VPS26B: variants seen among roughly 807,000 people sequenced by gnomAD.
VPS26B encodes VPS26 retromer complex component B, also known as vacuolar protein sorting-associated protein 26B.
A neutral mutation model predicts 33.3 loss-of-function variants in VPS26B; 10 were observed. That is an observed-to-expected ratio of 0.30 (90% CI 0.19 to 0.51). The LOEUF (loss-of-function observed/expected upper bound fraction) is 0.51, where lower values mean the gene tolerates loss of function less well. Ranked by LOEUF, VPS26B falls within the 20% of genes least tolerant of loss-of-function variation. The pLI is 0.98. For synonymous variants in VPS26B, 190 were observed against 176.9 expected, an observed-to-expected ratio of 1.07 and a Z score of -0.59; for missense variants, 317 against 452.7, an observed-to-expected ratio of 0.70 and a Z score of 2.72.
At chr11:134,231,568 CTT>C (rs1410570963) in intron 1 of VPS26B, among the ~76,000 whole-genome samples, 14 of 141,372 alleles carry the variant, frequency 9.9e-5, no homozygotes, top group Admixed American at 2.1e-4. Flanking sequence ...CTTTGGAGGG[CTT>C]TTTTTTTTTT....
intron 1 of VPS26B, among the ~76,000 whole-genome samples, chr11:134,226,608 C>G (rs1938477560): frequency 6.6e-6 from 1 of 152,048 alleles, no homozygotes; most frequent in African/African-American, 2.4e-5. Flanking sequence ...CAGTAAATAC[C>G]CTGTGAGCTA....
chr11:134,241,825 T>A (rs1938729500), intron 3 of VPS26B, among the ~76,000 whole-genome samples: 1 of 152,218 alleles, frequency 6.6e-6, no homozygotes, highest in Non-Finnish European at 1.5e-5. Context: ...CAGGTCCTGC[T>A]CTTACACTAA....
At chr11:134,237,863 G>T (rs779249617) in intron 2 of VPS26B, among the ~76,000 whole-genome samples, 1 of 152,190 alleles carries the variant, frequency 6.6e-6, no homozygotes, top group Non-Finnish European at 1.5e-5. Flanking sequence ...AGCTGTTGGT[G>T]CAGAACCCGC....
chr11:134,236,153 A>G (rs981383394), intron 2 of VPS26B, among the ~76,000 whole-genome samples: 52 of 152,218 alleles, frequency 3.4e-4, no homozygotes, highest in Non-Finnish European at 4.9e-4. Context: ...CTACGAAAAA[A>G]AAAAATTTTT....
chr11:134,241,506 A>G (rs754902580), intron 3 of VPS26B, among the ~76,000 whole-genome samples: 3 of 152,212 alleles, frequency 2.0e-5, no homozygotes, highest in Non-Finnish European at 1.5e-5. Flanking sequence ...TGGGCCTGGC[A>G]TGGGAACAGG....
At chr11:134,235,612 T>G (rs1217691789) in intron 2 of VPS26B, 1 of 152,236 alleles carries the variant, frequency 6.6e-6, no homozygotes, top group Non-Finnish European at 1.5e-5. Context: ...CAGTGTGACC[T>G]TGAGCTCTGT....
Position 134,245,536 on chromosome 11 carries a change from C to T in VPS26B, c.957C>T (p.Ser319=). 1.2e-6 allele frequency: 2 copies of T among 1,613,762 alleles called. No individual in the cohort carries two copies. The highest frequency in any genetic ancestry group is 2.2e-5 in the East Asian group (1 of 44,854). The change falls in exon 6 of 6, where the codon TCC becomes TCT. Residue 319 remains serine (S), a synonymous_variant. Transcript: ENST00000281187. This position sits in a 1 kb window ranked among gnomAD's most constrained non-coding sequence, Gnocchi z 4.7. ...CACAGCGCTTTGAGGGCACCACCTC[C>T]CTGGGTGAGGTGCGGACCCCCAGCC... ...IASQRFEGTT[S]LGEVRTPSQL...
chr11:134,238,543 G>A (rs920351083), intron 2 of VPS26B, among the ~76,000 whole-genome samples: 4 of 152,162 alleles, frequency 2.6e-5, no homozygotes, highest in Non-Finnish European at 4.4e-5. Flanking sequence ...GATAGTAGCC[G>A]AAATGTGTAG....
Position 134,240,383 on chromosome 11 carries a change from G to C in VPS26B, c.545+228G>C, listed in dbSNP as rs549194999. Among the ~76,000 whole-genome samples, 2 of 152,260 alleles carry C rather than the reference G, an allele frequency of 1.3e-5. No homozygotes were observed. The highest frequency in any genetic ancestry group is 2.9e-5 in the Non-Finnish European group (2 of 68,016). On this transcript the variant is annotated intron_variant, in intron 3 of 5. Transcript: ENST00000281187. The surrounding 1 kb of genome is among the most constrained non-coding windows in gnomAD (Gnocchi z 4.4). ...CCTAAACTAAACCATATTCAACTAA[G>C]GTGGTGTCTTTAAGTTAAACATCCT...
chr11:134,228,708 A>C (rs912281087), intron 1 of VPS26B, among the ~76,000 whole-genome samples: 1 of 152,230 alleles, frequency 6.6e-6, no homozygotes, highest in Admixed American at 6.5e-5. Flanking sequence ...CATGTTGTGA[A>C]GTATTTGTGT....
intron 2 of VPS26B, among the ~76,000 whole-genome samples, chr11:134,237,608 G>A (rs1938651093): frequency 6.6e-6 from 1 of 152,206 alleles, no homozygotes; most frequent in Non-Finnish European, 1.5e-5. Context: ...GGAGCACAAG[G>A]AGAGGAGAGC....
rs923414831 is a variant in VPS26B at position 134,225,537 on chromosome 11, C to A, written c.223+192C>A. On this transcript the variant is annotated intron_variant, in intron 1 of 5. Coordinates refer to ENST00000281187, the MANE Select transcript of VPS26B (RefSeq NM_052875.5). Reference sequence around the variant, plus strand: ...TTACTGTCCTCCCTGCCAAAAGTGACAGCGCGCTGCCAGGGAGATGGGGAC... The same window carrying A: ...TTACTGTCCTCCCTGCCAAAAGTGAAAGCGCGCTGCCAGGGAGATGGGGAC... 6.8e-5 allele frequency: 43 copies of A among 628,130 alleles called. No homozygotes were observed. In the South Asian group the frequency reaches 7.7e-4, roughly 11 times the overall value. The allele number at this position is 628,130 out of a possible 1,614,324, so 38.9% of individuals were successfully genotyped here. A position where few individuals can be genotyped will look rare whatever the true frequency, so the allele number is the denominator to read the frequency against.
intron 1 of VPS26B, among the ~76,000 whole-genome samples, chr11:134,228,052 A>G (rs1591876304): frequency 6.6e-6 from 1 of 152,390 alleles, no homozygotes; most frequent in East Asian, 1.9e-4. Context: ...ACGCTCAATT[A>G]TCCATGGTTA....
In VPS26B at chr11:134,225,408, C is replaced by T. The variant is rs534431024; in HGVS notation, c.223+63C>T. 4.8e-4 allele frequency: 729 copies of T among 1,519,762 alleles called. 1 individual carries two copies. The highest frequency in any genetic ancestry group is 6.1e-4 in the Non-Finnish European group (668 of 1,103,276). 94.1% of individuals were successfully genotyped at this position (1,519,762 alleles called of 1,614,324 possible). A position where few individuals can be genotyped will look rare whatever the true frequency, so the allele number is the denominator to read the frequency against. On this transcript the variant is annotated intron_variant, in intron 1 of 5. Transcript: ENST00000281187. ...CAGCCGGCCGGGGAGCAGGGTGATT[C>T]AGGGCCCAGCTCCTCCGGCGAGGCC...
chr11:134,231,515 A>C (rs1938554721), intron 1 of VPS26B, among the ~76,000 whole-genome samples: 4 of 151,576 alleles, frequency 2.6e-5, no homozygotes, highest in Admixed American at 2.6e-4. Context: ...GACAGTGGCC[A>C]GCCAGCAGAC....
At chr11:134,227,252 C>A (rs972725758) in intron 1 of VPS26B, among the ~76,000 whole-genome samples, 1 of 152,306 alleles carries the variant, frequency 6.6e-6, no homozygotes, top group Middle Eastern at 3.4e-3. Flanking sequence ...TATTATGCTA[C>A]GCATAGTAAA....
rs375595021 is a variant in VPS26B at position 134,240,757 on chromosome 11, C to G, written c.545+602C>G. The stretch of plus-strand genomic sequence containing the variant: ...AGGAGCACAGGCATGCACCGCCACA[C>G]CCAGCTAATTTGTGTCCGTGTGTGT... On this transcript the variant is annotated intron_variant, in intron 3 of 5. Transcript: ENST00000281187. The surrounding 1 kb of genome is among the most constrained non-coding windows in gnomAD (Gnocchi z 4.4). Among the ~76,000 whole-genome samples, 2 of 151,110 alleles carry G rather than the reference C, an allele frequency of 1.3e-5. No homozygotes were observed. The highest frequency in any genetic ancestry group is 4.9e-5 in the African/African-American group (2 of 40,876).
intron 1 of VPS26B, among the ~76,000 whole-genome samples, chr11:134,225,608 A>T (rs1390940722): frequency 6.6e-6 from 1 of 152,160 alleles, no homozygotes; most frequent in East Asian, 1.9e-4. Context: ...TGGGATGGGC[A>T]CCTTGCCTAT....
rs534074872 is a variant in VPS26B, at chr11:134,240,673, C to G, written c.545+518C>G. 6.6e-6 allele frequency among the ~76,000 whole-genome samples: 1 copy of G among 152,134 alleles called. No homozygotes were observed. Among genetic ancestry groups the G allele is most frequent in the East Asian group, 1.9e-4 (1 of 5,172 alleles). ...GGTACAGTGGCCCAGTCATGGCTTA[C>G]TACAGCCTTGACCTCCTAGACTCAA... On this transcript the variant is annotated intron_variant, in intron 3 of 5. Transcript: ENST00000281187. The surrounding 1 kb of genome is among the most constrained non-coding windows in gnomAD (Gnocchi z 4.4).
Sources: allele counts gnomAD v4.1 joint callset (sites outside exome capture counted in the v4.1 genomes callset), GRCh38; gene constraint gnomAD v4.1.1; non-coding constraint Gnocchi (gnomAD v3.1); transcripts MANE v1.5; gene names NCBI Gene and HGNC (gene_info 2026-07-23, HGNC 2026-07-21).